Variants in RFX2 observed in about 807,000 individuals in gnomAD.
The protein encoded by RFX2 is DNA-binding protein RFX2.
In RFX2, 20 loss-of-function variants were observed where a neutral mutation model predicts 87.8. The observed-to-expected ratio is 0.23, with a 90% CI of 0.16 to 0.33. RFX2 has a LOEUF of 0.33. RFX2 is among the 10% of genes least tolerant of loss of function. The pLI is 1.00. For missense variants in RFX2, 767 were observed against 1,012.3 expected (o/e 0.76, Z 3.29); for synonymous variants, 397 against 431.3 (o/e 0.92, Z 0.98).
At chr19:6,006,696 C>T (rs1054332567) in intron 12 of RFX2, among the ~76,000 whole-genome samples, 8 of 151,756 alleles carry the variant, frequency 5.3e-5, no homozygotes, top group Non-Finnish European at 1.0e-4. Flanking sequence ...ATGATCTGCC[C>T]GCCTCAGCCT....
In RFX2 at chr19:6,032,184, C is replaced by T. The variant is rs80148097; in HGVS notation, c.523-5947G>A. ...GTCGCCATACTGCAGTGCAGTGGCG[C>T]GATCTCGGCTCACTGCAACCTCTGC... On this transcript the variant is annotated intron_variant, in intron 5 of 17. Transcript: ENST00000303657. Among the ~76,000 whole-genome samples, 685 of 152,212 alleles carry T rather than the reference C, an allele frequency of 4.5e-3. 8 individuals carry two copies. The East Asian group carries it at 0.071, about 16-fold the overall frequency.
chr19:6,014,295 G>A (rs766782458), intron 7 of RFX2, among the ~76,000 whole-genome samples: 13 of 152,044 alleles, frequency 8.6e-5, no homozygotes, highest in South Asian at 4.2e-4. Context: ...GTGCAGTAGT[G>A]CGATCTCGGC....
intron 5 of RFX2, among the ~76,000 whole-genome samples, chr19:6,035,700 G>A (rs1383291738): frequency 6.6e-6 from 1 of 152,126 alleles, no homozygotes; most frequent in East Asian, 1.9e-4. Flanking sequence ...GGCCATGGTT[G>A]TTCTTGGCTC....
At chr19:6,034,919 G>A (rs1468934993) in intron 5 of RFX2, among the ~76,000 whole-genome samples, 1 of 152,000 alleles carries the variant, frequency 6.6e-6, no homozygotes, top group African/African-American at 2.4e-5. Context: ...ATTATGTATC[G>A]GGTATCATAA....
intron 5 of RFX2, among the ~76,000 whole-genome samples, chr19:6,035,850 GGTGTGTGTGT>G (rs34008943): frequency 2.9e-5 from 4 of 137,166 alleles, no homozygotes; most frequent in Non-Finnish European, 6.1e-5. Context: ...CTTGGTGGGG[GGTGTGTGTGT>G]GTGTGTGTGT....
At chr19:6,060,394 C>T (rs868166787) in intron 1 of RFX2, among the ~76,000 whole-genome samples, 3 of 152,236 alleles carry the variant, frequency 2.0e-5, no homozygotes, top group South Asian at 2.1e-4. Flanking sequence ...TAGAGCCTTC[C>T]GTCTCCCTCC....
chr19:6,099,656 C>G (rs1451688708), intron 1 of RFX2, among the ~76,000 whole-genome samples: 1 of 152,112 alleles, frequency 6.6e-6, no homozygotes, highest in East Asian at 1.9e-4. Flanking sequence ...GGAACTGTGG[C>G]AGGGGTAGCT....
At chr19:6,100,892 T>C (rs1413915239) in intron 1 of RFX2, among the ~76,000 whole-genome samples, 1 of 152,100 alleles carries the variant, frequency 6.6e-6, no homozygotes, top group East Asian at 1.9e-4. Context: ...TTGAATTAAT[T>C]AATCATATCC....
chr19:6,079,884 CAAA>C (rs1160044956), intron 1 of RFX2, among the ~76,000 whole-genome samples: 34 of 76,598 alleles, frequency 4.4e-4, no homozygotes, highest in Admixed American at 8.2e-4. Flanking sequence ...GACTCTGTCT[CAAA>C]AAAAAAAAAA....
intron 5 of RFX2, among the ~76,000 whole-genome samples, chr19:6,032,414 G>GCTA (rs1388827276): frequency 1.3e-5 from 2 of 152,232 alleles, no homozygotes; most frequent in African/African-American, 2.4e-5. Context: ...ACAGGCGTGA[G>GCTA]CTACTGCGCC....
chr19:6,023,926 T>A lies in RFX2; in HGVS notation c.597+2237A>T, dbSNP rs759059635. On this transcript the variant is annotated intron_variant, in intron 6 of 17. Transcript: ENST00000303657. The surrounding 1 kb of genome is among the most constrained non-coding windows in gnomAD (Gnocchi z 4.9). The stretch of plus-strand genomic sequence containing the variant: ...TCCAGAGTAGCTGGGACTACAGGCA[T>A]GTGCCACCACGCCCGGCTAATATTT... 3.9e-4 allele frequency among the ~76,000 whole-genome samples: 59 copies of A among 152,116 alleles called. No individual in the cohort carries two copies. Among genetic ancestry groups the A allele is most frequent in the Non-Finnish European group, 7.8e-4 (53 of 68,024 alleles).
chr19:6,008,274 C>T (rs773550891), intron 9 of RFX2, 50 bp from the exon 10 acceptor site: 13 of 1,258,802 alleles, frequency 1.0e-5, no homozygotes, highest in African/African-American at 5.9e-5. Context: ...CTTAGGACAC[C>T]GTGGACAACT....
At position 6,073,192 on chromosome 19, in the gene RFX2, C is replaced by A. The variant is rs928590587; in HGVS notation, c.-8-25688G>T. On this transcript the variant is annotated intron_variant, in intron 1 of 17. Transcript: ENST00000303657. ...ACGGGGTTTCACCATGTTGGCCAGG[C>A]TGGTCTCAAACTCCTGACCTCAGGT... The A allele has an allele frequency of 2.4e-5, 12 of 495,772 alleles. No homozygotes were observed. The Admixed American group carries it at 3.2e-4, about 13-fold the overall frequency. The allele number at this position is 495,772 out of a possible 1,614,324, so 30.7% of individuals were successfully genotyped here. A position where few individuals can be genotyped will look rare whatever the true frequency, so the allele number is the denominator to read the frequency against.
chr19:6,090,370 CAAAAAAAA>C (rs1169384189), intron 1 of RFX2, among the ~76,000 whole-genome samples: 1 of 56,580 alleles, frequency 1.8e-5, no homozygotes, highest in East Asian at 5.1e-4. Context: ...GACTCTGTCT[CAAAAAAAA>C]AAAAAAAAAA....
intron 3 of RFX2, among the ~76,000 whole-genome samples, chr19:6,043,554 A>G (rs1303565553): frequency 6.6e-6 from 1 of 152,260 alleles, no homozygotes; most frequent in Non-Finnish European, 1.5e-5. Flanking sequence ...TTTTGTAAAT[A>G]AAGTTTTATT....
Position 5,995,677 on chromosome 19 carries a change from A to C in RFX2, c.2014-34T>G. The C allele has an allele frequency of 1.9e-6, 3 of 1,549,268 alleles. 1 individual carries two copies. The South Asian group carries it at 3.6e-5, about 18-fold the overall frequency. On this transcript the variant is annotated intron_variant, in intron 16 of 17. Coordinates refer to ENST00000303657, the MANE Select transcript of RFX2 (RefSeq NM_000635.4). ...GAAACCTGGAGTCAGGGGCGCCTGC[A>C]GAGGGGCGGCAGTTGCTGTTTGGGG...
intron 6 of RFX2, among the ~76,000 whole-genome samples, chr19:6,025,510 T>G (rs557237703): frequency 6.6e-6 from 1 of 152,222 alleles, no homozygotes; most frequent in Non-Finnish European, 1.5e-5. Context: ...TGTTGCTGAT[T>G]TTTGTATTGT....
chr19:6,008,741 G>A (rs1480432872), intron 9 of RFX2, among the ~76,000 whole-genome samples: 5 of 146,492 alleles, frequency 3.4e-5, no homozygotes, highest in African/African-American at 5.1e-5. Flanking sequence ...GCAGTGGCAC[G>A]ATCTTGGCTT....
chr19:6,064,802 A>G lies in RFX2; in HGVS notation c.-8-17298T>C, dbSNP rs2087486111. 6.6e-6 allele frequency among the ~76,000 whole-genome samples: 1 copy of G among 152,136 alleles called. No homozygotes were observed. The highest frequency in any genetic ancestry group is 6.5e-5 in the Admixed American group (1 of 15,274). ...CAACATCACATAGGGGACCTTTTCAATCTACCTCCTACCTCCCCTCCAGTC... is the reference window on the plus strand; with the variant it reads ...CAACATCACATAGGGGACCTTTTCAGTCTACCTCCTACCTCCCCTCCAGTC... On this transcript the variant is annotated intron_variant, in intron 1 of 17. Transcript: ENST00000303657. The surrounding 1 kb of genome is among the most constrained non-coding windows in gnomAD (Gnocchi z 4.8).
Sources: allele counts gnomAD v4.1 joint callset (sites outside exome capture counted in the v4.1 genomes callset), GRCh38; gene constraint gnomAD v4.1.1; non-coding constraint Gnocchi (gnomAD v3.1); transcripts MANE v1.5; gene names NCBI Gene and HGNC (gene_info 2026-07-23, HGNC 2026-07-21).